Variants in TNRC6B observed in about 807,000 individuals in gnomAD.
The protein encoded by TNRC6B is trinucleotide repeat containing adaptor 6B, also known as trinucleotide repeat-containing gene 6B protein.
A neutral mutation model predicts 203.6 loss-of-function variants in TNRC6B; 52 were observed. That is an observed-to-expected ratio of 0.26 (90% CI 0.20 to 0.32). The LOEUF (loss-of-function observed/expected upper bound fraction) is 0.32, where lower values mean the gene tolerates loss of function less well. Ranked by LOEUF, TNRC6B falls within the 10% of genes least tolerant of loss-of-function variation. The pLI is 1.00. For synonymous variants in TNRC6B, 838 were observed against 845.7 expected, an observed-to-expected ratio of 0.99 and a Z score of 0.16; for missense variants, 1,923 against 2,286.2, an observed-to-expected ratio of 0.84 and a Z score of 3.24.
At position 40,049,421 on chromosome 22, in the gene TNRC6B, C is replaced by A. The variant is rs190430032; in HGVS notation, c.-121+4423C>A. 6.6e-5 allele frequency among the ~76,000 whole-genome samples: 10 copies of A among 152,176 alleles called. No individual in the cohort carries two copies. The East Asian group carries it at 1.9e-3, about 30-fold the overall frequency. ...GTCGTTCCTTTCCTGACTTCTATCC[C>A]GGAGATAAACACTAAGGTCAATTAC... is the stretch of plus-strand genomic sequence containing the variant. On this transcript the variant is annotated intron_variant, in intron 1 of 23. Coordinates refer to the TNRC6B transcript ENST00000301923.
At chr22:40,284,163 A>G (rs930422659) in intron 11 of TNRC6B, among the ~76,000 whole-genome samples, 1 of 152,234 alleles carries the variant, frequency 6.6e-6, no homozygotes, top group Admixed American at 6.5e-5. Context: ...TCATGTTTCA[A>G]CAACCCTTGG....
At position 40,312,609 on chromosome 22, in the gene TNRC6B, A is replaced by G. The variant is rs1422790775; in HGVS notation, c.4540A>G (p.Ile1514Val). 7 of 1,613,776 alleles carry G rather than the reference A, an allele frequency of 4.3e-6. 1 individual carries two copies. In the South Asian group the frequency reaches 5.5e-5, roughly 13 times the overall value. ...SVLGGTATSPIVDTDHQLLRD... is the reference protein window; with the variant it reads ...SVLGGTATSPVVDTDHQLLRD... Reference sequence around the variant, plus strand: ...GCTGGGGGGTACAGCCACATCTCCCATTGTAGATACTGACCACCAACTGCT... The same window carrying G: ...GCTGGGGGGTACAGCCACATCTCCCGTTGTAGATACTGACCACCAACTGCT... The change falls in exon 18 of 23, where the codon ATT (isoleucine) becomes GTT (valine). Residue 1514 changes from isoleucine to valine, a missense_variant. Coordinates refer to ENST00000454349, the MANE Select transcript of TNRC6B (RefSeq NM_001162501.2).
intron 5 of TNRC6B, among the ~76,000 whole-genome samples, chr22:40,268,852 C>T (rs922393444): frequency 6.6e-6 from 1 of 151,638 alleles, no homozygotes; most frequent in Non-Finnish European, 1.5e-5. Context: ...ATGGAGCTTG[C>T]AAGTGAGCTG....
At chr22:40,122,804 C>T (rs540573824) in intron 2 of TNRC6B, among the ~76,000 whole-genome samples, 1 of 152,186 alleles carries the variant, frequency 6.6e-6, no homozygotes, top group South Asian at 2.1e-4. Flanking sequence ...TATTAAGTAC[C>T]TATTATGTAT....
chr22:40,124,197 C>T (rs1237221671), intron 2 of TNRC6B, among the ~76,000 whole-genome samples: 3 of 152,280 alleles, frequency 2.0e-5, no homozygotes, highest in South Asian at 2.1e-4. Flanking sequence ...CCTGGAAGTG[C>T]CTTCTTAGCC....
chr22:40,179,510 A>G (rs2069106687), intron 1 of TNRC6B, among the ~76,000 whole-genome samples: 1 of 152,238 alleles, frequency 6.6e-6, no homozygotes, highest in Non-Finnish European at 1.5e-5. Context: ...TAGAAAAGGC[A>G]TTTAAAATAT....
chr22:40,049,300 A>G (rs1364279480), intron 1 of TNRC6B, among the ~76,000 whole-genome samples: 2 of 151,622 alleles, frequency 1.3e-5, no homozygotes, highest in Admixed American at 6.6e-5. Flanking sequence ...GTGCTAGGAC[A>G]CGGATGAGCC....
At chr22:40,222,869 G>T (rs1335726978) in intron 1 of TNRC6B, among the ~76,000 whole-genome samples, 2 of 147,832 alleles carry the variant, frequency 1.4e-5, no homozygotes, top group African/African-American at 5.0e-5. Context: ...CCTCAGCCTT[G>T]TGAGTAGCTG....
chr22:40,178,059 C>G lies in TNRC6B; in HGVS notation c.-77C>G, dbSNP rs772698105. 1 of 1,592,052 alleles carries G rather than the reference C, an allele frequency of 6.3e-7. No individual in the cohort carries two copies. The highest frequency in any genetic ancestry group is 8.5e-7 in the Non-Finnish European group (1 of 1,173,244). On this transcript the variant is annotated 5_prime_UTR_variant, in exon 1 of 23. Coordinates refer to ENST00000454349, the MANE Select transcript of TNRC6B (RefSeq NM_001162501.2). ...AAAAAACAGATAGACAAAAAGAATT[C>G]ATTTTTTGGACCTTTTTTCATTTCC...
chr22:40,196,076 CTT>C lies in TNRC6B; in HGVS notation c.5+17947_5+17948del, dbSNP rs11301805. 2.6e-4 allele frequency among the ~76,000 whole-genome samples: 39 copies of C among 148,188 alleles called. 1 individual carries two copies. Among genetic ancestry groups the C allele is most frequent in the South Asian group, 8.5e-4 (4 of 4,720 alleles). On this transcript the variant is annotated intron_variant, in intron 1 of 22. Coordinates refer to ENST00000454349, the MANE Select transcript of TNRC6B (RefSeq NM_001162501.2). ...ACAGGTGTGAGCCACCGCGTCCAGC[CTT>C]TTTTTTTTTTCTTTTTAATACACTG...
At chr22:40,144,647 C>T (rs907118107) in intron 3 of TNRC6B, among the ~76,000 whole-genome samples, 9 of 148,538 alleles carry the variant, frequency 6.1e-5, no homozygotes, top group Admixed American at 2.7e-4. Flanking sequence ...TGTACTCCAG[C>T]CTGGGCGACA....
chr22:40,271,051 G>C (rs552672550), intron 6 of TNRC6B, among the ~76,000 whole-genome samples: 1 of 152,200 alleles, frequency 6.6e-6, no homozygotes, highest in East Asian at 1.9e-4. Flanking sequence ...TTTTAAACCT[G>C]GCATAAATTT....
chr22:40,299,325 C>T (rs144246251), intron 12 of TNRC6B, among the ~76,000 whole-genome samples: 2 of 151,952 alleles, frequency 1.3e-5, no homozygotes, highest in East Asian at 1.9e-4. Flanking sequence ...CCACAACCTC[C>T]GCCTCCCAGC....
At chr22:40,161,322 A>G (rs2068869735) in intron 4 of TNRC6B, among the ~76,000 whole-genome samples, 1 of 152,182 alleles carries the variant, frequency 6.6e-6, no homozygotes, top group Admixed American at 6.5e-5. Context: ...AATGGTTCTC[A>G]TTCATTGGTA....
intron 1 of TNRC6B, among the ~76,000 whole-genome samples, chr22:40,211,440 T>C (rs144118900): frequency 1.1e-4 from 16 of 152,244 alleles, no homozygotes; most frequent in African/African-American, 3.6e-4. Flanking sequence ...TTCCCATGCC[T>C]GAACTATTCT....
Position 40,322,678 on chromosome 22 carries a change from T to G in TNRC6B, c.5115-176T>G, listed in dbSNP as rs139512095. ...CCTGGCGGTCTGGTTGAAATACAAG[T>G]TCTGGACCCAGAGGTCTTGGGTGGA... is the stretch of plus-strand genomic sequence containing the variant. On this transcript the variant is annotated intron_variant, in intron 22 of 22. Coordinates refer to ENST00000454349, the MANE Select transcript of TNRC6B (RefSeq NM_001162501.2). Among the ~76,000 whole-genome samples, 533 of 152,372 alleles carry G rather than the reference T, an allele frequency of 3.5e-3. 2 individuals are homozygous for G. Among genetic ancestry groups the G allele is most frequent in the Non-Finnish European group, 5.5e-3 (376 of 68,030 alleles).
chr22:40,083,830 A>T (rs1194956828), intron 1 of TNRC6B, among the ~76,000 whole-genome samples: 1 of 152,140 alleles, frequency 6.6e-6, no homozygotes, highest in African/African-American at 2.4e-5. Flanking sequence ...TCGTTGTATT[A>T]TGGTATTTTT....
intron 1 of TNRC6B, among the ~76,000 whole-genome samples, chr22:40,193,845 G>A (rs965499680): frequency 1.3e-5 from 2 of 150,466 alleles, no homozygotes; most frequent in Admixed American, 6.6e-5. Flanking sequence ...GTGGAACAGC[G>A]CCACCCACCC....
At chr22:40,058,243 C>A (rs911031841) in intron 1 of TNRC6B, among the ~76,000 whole-genome samples, 12 of 152,014 alleles carry the variant, frequency 7.9e-5, no homozygotes, top group African/African-American at 2.9e-4. Context: ...AAAACAAAAA[C>A]AAAACATAAA....
Sources: allele counts gnomAD v4.1 joint callset (sites outside exome capture counted in the v4.1 genomes callset), GRCh38; gene constraint gnomAD v4.1.1; transcripts MANE v1.5; gene names NCBI Gene and HGNC (gene_info 2026-07-23, HGNC 2026-07-21).